The following FUT8 variants were observed in gnomAD, a reference collection of about 807,000 sequenced individuals.
FUT8 encodes the protein fucosyltransferase 8.
A neutral mutation model predicts 71.3 loss-of-function variants in FUT8; 29 were observed. That is an observed-to-expected ratio of 0.41 (90% CI 0.30 to 0.55). The LOEUF is 0.55. Among genes scored for constraint, FUT8 ranks in the 20% least tolerant of loss-of-function variants. The pLI, the probability that FUT8 is intolerant of heterozygous loss-of-function variation, is 0.34. For missense variants in FUT8, 544 were observed against 702.1 expected, an observed-to-expected ratio of 0.77 and a Z score of 2.55; for synonymous variants, 254 against 239.3, an observed-to-expected ratio of 1.06 and a Z score of -0.57.
chr14:65,500,128 T>C (rs151238607), intron 2 of FUT8, among the ~76,000 whole-genome samples: 206 of 152,342 alleles, frequency 1.4e-3, no homozygotes, highest in African/African-American at 4.7e-3. Context: ...GGATGAGATG[T>C]TACCTTTCCA....
intron 6 of FUT8, chr14:65,646,398 TATAAC>T (rs1891126844): frequency 6.6e-6 from 1 of 152,224 alleles, no homozygotes; most frequent in Non-Finnish European, 1.5e-5. Flanking sequence ...AATACAAAGA[TATAAC>T]AGAGAATGTC....
chr14:65,411,606 A>G (rs1595334891), upstream of FUT8: 1 of 179,516 alleles, frequency 5.6e-6, no homozygotes, highest in South Asian at 1.1e-4. Flanking sequence ...AACATCTAAA[A>G]GGCCGCCGCT....
intron 7 of FUT8, among the ~76,000 whole-genome samples, chr14:65,698,524 CT>C (rs1178470718): frequency 2.0e-5 from 3 of 152,124 alleles, no homozygotes; most frequent in African/African-American, 7.2e-5. Context: ...TTTATATTCC[CT>C]TTTTGTAGGT....
chr14:65,461,686 C>A (rs551807238), intron 2 of FUT8, among the ~76,000 whole-genome samples: 22 of 152,156 alleles, frequency 1.4e-4, no homozygotes, highest in Non-Finnish European at 2.8e-4. Context: ...GTTACTGATA[C>A]ACCAGGAGTT....
intron 1 of FUT8, among the ~76,000 whole-genome samples, chr14:65,424,068 C>T (rs1479214899): frequency 3.9e-5 from 6 of 152,172 alleles, no homozygotes; most frequent in South Asian, 4.1e-4. Context: ...GGAGCACTTC[C>T]GGCATCACTA....
chr14:65,627,987 G>A lies in FUT8; in HGVS notation c.483-1505G>A, dbSNP rs1239811709. ...CTACCTACTCAAACAGGAGGAGAGG[G>A]AAAACCAAGGGTTGAGGGTGATAGG... On this transcript the variant is annotated intron_variant, in intron 5 of 10. Transcript: ENST00000673929. The surrounding 1 kb of genome is among the most constrained non-coding windows in gnomAD (Gnocchi z 4.0). Among the ~76,000 whole-genome samples the A allele has an allele frequency of 6.6e-6, 1 of 152,150 alleles. No individual in the cohort carries two copies. The highest frequency in any genetic ancestry group is 1.5e-5 in the Non-Finnish European group (1 of 68,032).
At chr14:65,524,544 T>C (rs954811810) in intron 2 of FUT8, among the ~76,000 whole-genome samples, 3 of 152,182 alleles carry the variant, frequency 2.0e-5, no homozygotes, top group African/African-American at 7.2e-5. Flanking sequence ...CTTCCTCTTT[T>C]CTCAATTGAA....
chr14:65,556,078 G>A (rs1483140184), intron 2 of FUT8, among the ~76,000 whole-genome samples: 1 of 152,212 alleles, frequency 6.6e-6, no homozygotes, highest in East Asian at 1.9e-4. Flanking sequence ...AACACATGAA[G>A]TGAAGATCAG....
intron 7 of FUT8, among the ~76,000 whole-genome samples, chr14:65,671,962 G>A (rs1394922650): frequency 2.0e-5 from 3 of 152,154 alleles, no homozygotes; most frequent in African/African-American, 7.2e-5. Flanking sequence ...CACCATTACT[G>A]TGAAATTATT....
At chr14:65,708,079 T>G (rs1894638489) in intron 7 of FUT8, among the ~76,000 whole-genome samples, 15 of 152,190 alleles carry the variant, frequency 9.9e-5, no homozygotes. Flanking sequence ...ATGCTTTACA[T>G]CCCCACCCAA....
chr14:65,424,846 G>A (rs1307139615), intron 1 of FUT8, among the ~76,000 whole-genome samples: 2 of 151,886 alleles, frequency 1.3e-5, no homozygotes, highest in African/African-American at 4.8e-5. Context: ...TTTTTGTAGA[G>A]ACAGGGTTTT....
the FUT8 span, among the ~76,000 whole-genome samples, chr14:65,380,123 G>T: frequency 0.44 from 66,321 of 152,138 alleles, 16,875 homozygotes; most frequent in Non-Finnish European, 0.58. Context: ...GGAAGAAAAA[G>T]AGGTTTAATT....
intron 1 of FUT8, among the ~76,000 whole-genome samples, chr14:65,435,911 A>T (rs1186138827): frequency 6.8e-6 from 1 of 146,584 alleles, no homozygotes; most frequent in Non-Finnish European, 1.5e-5. Flanking sequence ...GTGTGCTTTA[A>T]GATATCTTCC....
At position 65,482,861 on chromosome 14, in the gene FUT8, C is replaced by T. The variant is rs557401948; in HGVS notation, c.-228+27143C>T. On this transcript the variant is annotated intron_variant, in intron 2 of 10. Transcript: ENST00000673929. ...ACACTGCAGAGAAGTTTTGCTTGTT[C>T]GTTTCTGTGTACTTGCTTAGTGGAC... Among the ~76,000 whole-genome samples the T allele has an allele frequency of 9.2e-5, 14 of 152,208 alleles. No homozygotes were observed. The South Asian group carries it at 2.5e-3, about 27-fold the overall frequency.
chr14:65,560,681 G>A (rs1296659245), intron 2 of FUT8, among the ~76,000 whole-genome samples: 2 of 152,154 alleles, frequency 1.3e-5, no homozygotes, highest in Non-Finnish European at 2.9e-5. Context: ...TGTTGCAATT[G>A]TTGGTATTTT....
intron 2 of FUT8, among the ~76,000 whole-genome samples, chr14:65,542,790 AT>A (rs940661391): frequency 6.6e-6 from 1 of 150,468 alleles, no homozygotes; most frequent in African/African-American, 2.4e-5. Flanking sequence ...GGAATTTTTT[AT>A]TTTTTTTTGA....
chr14:65,501,803 A>G (rs1447293376), intron 2 of FUT8, among the ~76,000 whole-genome samples: 1 of 152,088 alleles, frequency 6.6e-6, no homozygotes, highest in African/African-American at 2.4e-5. Context: ...GATATTCTTA[A>G]TGCTGAGGGT....
At chr14:65,507,858 G>GT (rs1002841639) in intron 2 of FUT8, among the ~76,000 whole-genome samples, 2 of 152,122 alleles carry the variant, frequency 1.3e-5, no homozygotes, top group South Asian at 2.1e-4. Flanking sequence ...TAAATTTTTA[G>GT]TTTTTTTAAG....
chr14:65,398,651 G>A, the FUT8 span, among the ~76,000 whole-genome samples: 1 of 151,788 alleles, frequency 6.6e-6, no homozygotes. Flanking sequence ...CAGGAGAATT[G>A]CTTGAACCCA....
Sources: gnomAD v4.1 joint callset for allele counts (sites outside exome capture counted in the v4.1 genomes callset) on GRCh38, gnomAD v4.1.1 for gene constraint, Gnocchi (gnomAD v3.1) non-coding constraint, MANE v1.5 for transcripts, NCBI Gene and HGNC (gene_info 2026-07-23, HGNC 2026-07-21) for gene names.